IGSF10: variants seen among roughly 807,000 people sequenced by gnomAD.
IGSF10 encodes immunoglobulin superfamily member 10.
Under a neutral mutation model 128.2 loss-of-function variants are expected in IGSF10, and 126 were observed. The observed-to-expected ratio is 0.98, with a 90% confidence interval of 0.85 to 1.14. IGSF10 has a LOEUF of 1.14. Among genes scored for constraint, IGSF10 ranks in the 50% most tolerant of loss-of-function variants. The pLI, the probability that IGSF10 is intolerant of heterozygous loss-of-function variation, is 0.00. For synonymous variants in IGSF10, 1,185 were observed against 1,146.2 expected (o/e 1.03, Z -0.68); for missense variants, 3,295 against 3,149.8 (o/e 1.05, Z -1.10).
At position 151,447,598 on chromosome 3, in the gene IGSF10, C is replaced by T. The variant is rs58583961; in HGVS notation, c.2383G>A (p.Asp795Asn). The change falls in exon 6 of 8, where the codon GAT becomes AAT. Residue 795 changes from aspartate to asparagine, a missense_variant. Coordinates refer to ENST00000282466, the MANE Select transcript of IGSF10 (RefSeq NM_178822.5). ...TGTAGAGCGAGCATGCCTGAGGAATCGTCTTCTTCACCAGGTATGTTTGGG... is the reference window on the plus strand; with the variant it reads ...TGTAGAGCGAGCATGCCTGAGGAATTGTCTTCTTCACCAGGTATGTTTGGG... ...QLPNIPGEED[D>N]SSGMLALHEE... The T allele has an allele frequency of 1.0e-3, 1,631 of 1,614,106 alleles. 17 individuals carry two copies. The African/African-American group carries it at 0.02, about 20-fold the overall frequency.
At chr3:151,593,068 C>A in the IGSF10 span, among the ~76,000 whole-genome samples, 1 of 152,138 alleles carries the variant, frequency 6.6e-6, no homozygotes, top group African/African-American at 2.4e-5. Context: ...ACTCTGTCAA[C>A]ATTTTATTAA....
the IGSF10 span, among the ~76,000 whole-genome samples, chr3:151,607,491 A>T: frequency 3.3e-5 from 5 of 152,282 alleles, no homozygotes; most frequent in East Asian, 9.7e-4. Flanking sequence ...GGGCAGACAT[A>T]GGTAGATTAT....
In IGSF10 at chr3:151,446,236, G is replaced by C. The variant is rs1348870751; in HGVS notation, c.3745C>G (p.Pro1249Ala). The C allele has an allele frequency of 1.2e-6, 2 of 1,613,796 alleles. No homozygotes were observed. Among genetic ancestry groups the C allele is most frequent in the Non-Finnish European group, 1.7e-6 (2 of 1,179,710 alleles). Residue 1249 changes from proline (P) to alanine (A), a missense_variant, in exon 6 of 8, where the codon CCT (proline) becomes GCT (alanine). By Grantham distance (27) the Pro-to-Ala change is conservative. Coordinates refer to ENST00000282466, the MANE Select transcript of IGSF10 (RefSeq NM_178822.5). ...GTTGAAAGTGTGGTGAAATGGAAAG[G>C]GGAGACTTTGTCTCTGGGTAAAGCA... ...SPALPRDKVS[P>A]FHFTTLSTSV...
chr3:151,606,606 T>C, the IGSF10 span, among the ~76,000 whole-genome samples: 1 of 152,186 alleles, frequency 6.6e-6, no homozygotes, highest in Non-Finnish European at 1.5e-5. Flanking sequence ...AGGTATTTGT[T>C]GGATTCATTA....
chr3:151,432,734 A>G (rs1719675837), downstream of IGSF10: 2 of 1,609,376 alleles, frequency 1.2e-6, no homozygotes, highest in Non-Finnish European at 1.7e-6. Flanking sequence ...TTTTGGTTCA[A>G]TTTATTTTTC....
chr3:151,471,106 G>C, the IGSF10 span, among the ~76,000 whole-genome samples: 2 of 152,044 alleles, frequency 1.3e-5, no homozygotes, highest in African/African-American at 4.8e-5. Context: ...TTTCCATGCT[G>C]TTCTCATGAT....
Position 151,447,348 on chromosome 3 carries a change from A to G in IGSF10, c.2633T>C (p.Met878Thr), listed in dbSNP as rs1240432882. 1.9e-6 allele frequency: 3 copies of G among 1,614,208 alleles called. No homozygotes were observed. The highest frequency in any genetic ancestry group is 2.2e-5 in the South Asian group (2 of 91,088). Reference sequence around the variant, plus strand: ...GGTTGTGCCTTGTATTTGGCTTGACATGGTTGGGTTTATATTCTTTGACAT... The same window carrying G: ...GGTTGTGCCTTGTATTTGGCTTGACGTGGTTGGGTTTATATTCTTTGACAT... The part of the protein sequence containing the change: ...TAMSKNINPT[M>T]SSQIQGTTNQ... The change falls in exon 6 of 8, where the codon ATG becomes ACG. Residue 878 changes from methionine to threonine, a missense_variant. By Grantham distance (81) the Met-to-Thr change is moderately conservative. Coordinates refer to ENST00000282466, the MANE Select transcript of IGSF10 (RefSeq NM_178822.5).
chr3:151,504,024 T>C, the IGSF10 span, among the ~76,000 whole-genome samples: 3 of 152,104 alleles, frequency 2.0e-5, no homozygotes, highest in African/African-American at 4.8e-5. Context: ...CTAGGAGCAA[T>C]TTGGGATGTA....
At chr3:151,579,850 G>A in the IGSF10 span, among the ~76,000 whole-genome samples, 1 of 140,400 alleles carries the variant, frequency 7.1e-6, no homozygotes, top group Non-Finnish European at 1.6e-5. Flanking sequence ...AAAGAAGGAA[G>A]GGAGGAGGGA....
chr3:151,576,082 G>A, the IGSF10 span, among the ~76,000 whole-genome samples: 25 of 151,602 alleles, frequency 1.6e-4, no homozygotes, highest in South Asian at 6.2e-4. Context: ...TGATGTGTGC[G>A]TGTTGGTCTA....
At chr3:151,461,895 C>T (rs1363879662), upstream of IGSF10, among the ~76,000 whole-genome samples, 2 of 152,216 alleles carry the variant, frequency 1.3e-5, no homozygotes, top group African/African-American at 4.8e-5. Context: ...CCATGTGTGA[C>T]AAATGGCAAT....
At chr3:151,471,998 C>G in the IGSF10 span, among the ~76,000 whole-genome samples, 3 of 152,158 alleles carry the variant, frequency 2.0e-5, no homozygotes, top group Non-Finnish European at 2.9e-5. Flanking sequence ...CAGATAGCTG[C>G]CTGGTGCTTC....
the IGSF10 span, among the ~76,000 whole-genome samples, chr3:151,495,301 A>G: frequency 7.6e-4 from 115 of 152,254 alleles, no homozygotes; most frequent in African/African-American, 2.5e-3. Context: ...TTCTAACTAT[A>G]TTCTCATACA....
chr3:151,572,644 T>A, the IGSF10 span, among the ~76,000 whole-genome samples: 2 of 152,210 alleles, frequency 1.3e-5, no homozygotes, highest in African/African-American at 4.8e-5. Context: ...GTACTATCTA[T>A]TTTGTTGAGC....
At chr3:151,518,148 A>G in the IGSF10 span, among the ~76,000 whole-genome samples, 3 of 152,036 alleles carry the variant, frequency 2.0e-5, no homozygotes, top group East Asian at 1.9e-4. Flanking sequence ...ATTGTGAACT[A>G]TAACCTAAGT....
At chr3:151,450,190 A>G (rs973264905) in intron 5 of IGSF10, among the ~76,000 whole-genome samples, 1 of 152,342 alleles carries the variant, frequency 6.6e-6, no homozygotes, top group South Asian at 2.1e-4. Context: ...ATACCATTTA[A>G]AAGCTCTGCT....
At chr3:151,457,234 A>G in intron 3 of IGSF10, 79 bp from the exon 4 acceptor site, 1 of 1,336,812 alleles carries the variant, frequency 7.5e-7, no homozygotes, top group South Asian at 1.3e-5. Flanking sequence ...AATAAACACA[A>G]GAAAACTCAA....
At chr3:151,439,030 A>G (rs1243676001) in intron 7 of IGSF10, among the ~76,000 whole-genome samples, 2 of 152,182 alleles carry the variant, frequency 1.3e-5, no homozygotes, top group Non-Finnish European at 2.9e-5. Context: ...CTAATTGAAC[A>G]GGTATAATTT....
chr3:151,477,094 AG>A, the IGSF10 span, among the ~76,000 whole-genome samples: 1 of 152,208 alleles, frequency 6.6e-6, no homozygotes, highest in South Asian at 2.1e-4. Context: ...AATTTTGAAT[AG>A]GGTAAGGTCT....
Sources: gnomAD v4.1 joint callset for allele counts (sites outside exome capture counted in the v4.1 genomes callset) on GRCh38, gnomAD v4.1.1 for gene constraint, MANE v1.5 for transcripts, NCBI Gene and HGNC (gene_info 2026-07-23, HGNC 2026-07-21) for gene names.